LTBP1: variants seen among roughly 807,000 people sequenced by gnomAD.
LTBP1 encodes latent transforming growth factor beta binding protein 1.
Under a neutral mutation model 207.6 loss-of-function variants are expected in LTBP1, and 129 were observed. The observed-to-expected ratio is 0.62, with a 90% confidence interval of 0.54 to 0.72. LTBP1 has a LOEUF of 0.72. LTBP1 is among the 30% of genes least tolerant of loss of function. The pLI is 0.00. For missense variants in LTBP1, 2,281 were observed against 2,217.2 expected, an observed-to-expected ratio of 1.03 and a Z score of -0.58; for synonymous variants, 963 against 833.7, an observed-to-expected ratio of 1.16 and a Z score of -2.67.
intron 3 of LTBP1, among the ~76,000 whole-genome samples, chr2:33,108,080 A>G (rs1345931604): frequency 1.3e-5 from 2 of 152,238 alleles, no homozygotes; most frequent in Non-Finnish European, 2.9e-5. Flanking sequence ...ATTAGAGGAA[A>G]CAGTGGACAC....
chr2:33,214,977 C>T (rs1299684678), intron 7 of LTBP1, among the ~76,000 whole-genome samples: 1 of 151,804 alleles, frequency 6.6e-6, no homozygotes, highest in East Asian at 1.9e-4. Context: ...CTCGTAGGGT[C>T]GTTTCTTATG....
At chr2:33,054,990 T>C (rs556718557) in intron 3 of LTBP1, among the ~76,000 whole-genome samples, 2 of 152,306 alleles carry the variant, frequency 1.3e-5, no homozygotes, top group South Asian at 2.1e-4. Context: ...TAAACCACAC[T>C]GATAACAAGC....
At chr2:33,271,386 G>A (rs1367291414) in intron 15 of LTBP1, among the ~76,000 whole-genome samples, 4 of 151,594 alleles carry the variant, frequency 2.6e-5, no homozygotes, top group African/African-American at 4.8e-5. Context: ...ATAACCACCC[G>A]GGAAAAAACC....
chr2:33,175,023 C>T (rs1415827264), intron 5 of LTBP1, among the ~76,000 whole-genome samples: 3 of 152,192 alleles, frequency 2.0e-5, no homozygotes, highest in African/African-American at 7.2e-5. Flanking sequence ...GAATTAAAGA[C>T]TTAAACGTTA....
intron 9 of LTBP1, among the ~76,000 whole-genome samples, chr2:33,236,450 C>T (rs2092055236): frequency 6.6e-6 from 1 of 152,198 alleles, no homozygotes. Context: ...TTGATCTGGA[C>T]CTGAGCACCC....
intron 2 of LTBP1, among the ~76,000 whole-genome samples, chr2:32,972,895 C>T (rs1681127200): frequency 2.0e-5 from 3 of 152,160 alleles, no homozygotes; most frequent in African/African-American, 7.2e-5. Context: ...ATACGTTACC[C>T]AGTCTCAGGT....
intron 2 of LTBP1, among the ~76,000 whole-genome samples, chr2:33,000,749 A>C (rs1251552810): frequency 7.5e-6 from 1 of 133,004 alleles, no homozygotes; most frequent in African/African-American, 2.6e-5. Context: ...TTTAATAAGT[A>C]CTCTGGGTTT....
chr2:33,394,921 T>C (rs2150733816), intron 32 of LTBP1, among the ~76,000 whole-genome samples: 1 of 152,336 alleles, frequency 6.6e-6, no homozygotes, highest in East Asian at 1.9e-4. Flanking sequence ...CATGTGGTAT[T>C]TGGTATTCTG....
chr2:33,020,811 G>T (rs527715701), intron 2 of LTBP1, 98 bp from the exon 3 acceptor site: 3 of 1,211,874 alleles, frequency 2.5e-6, no homozygotes, highest in East Asian at 2.4e-5. Flanking sequence ...TTTTTTATTG[G>T]AGAACAAACA....
At chr2:33,273,818 C>T (rs371714203) in intron 16 of LTBP1, 37 bp downstream of exon 16, 1 of 1,549,460 alleles carries the variant, frequency 6.5e-7, no homozygotes, top group Non-Finnish European at 8.7e-7. Flanking sequence ...TATTAAATAT[C>T]AAACATTTGA....
intron 3 of LTBP1, among the ~76,000 whole-genome samples, chr2:33,081,569 G>A (rs576634379): frequency 6.6e-6 from 1 of 152,156 alleles, no homozygotes; most frequent in Non-Finnish European, 1.5e-5. Context: ...ATGTTGAAAG[G>A]ACCTGGATTT....
At chr2:32,972,149 T>A (rs372387848) in intron 2 of LTBP1, among the ~76,000 whole-genome samples, 2 of 151,406 alleles carry the variant, frequency 1.3e-5, no homozygotes, top group East Asian at 3.9e-4. Flanking sequence ...AGTGGTAATA[T>A]CTTCTTTATC....
intron 4 of LTBP1, among the ~76,000 whole-genome samples, chr2:33,122,037 C>A (rs1432297163): frequency 6.6e-6 from 1 of 151,672 alleles, no homozygotes; most frequent in Non-Finnish European, 1.5e-5. Context: ...CTGCCCCCCT[C>A]CACACACACA....
intron 2 of LTBP1, among the ~76,000 whole-genome samples, chr2:33,013,565 CT>C (rs1687958174): frequency 6.7e-6 from 1 of 150,316 alleles, no homozygotes; most frequent in African/African-American, 2.4e-5. Context: ...TTAACTTTTT[CT>C]TTTTTTTCAT....
intron 9 of LTBP1, among the ~76,000 whole-genome samples, chr2:33,227,411 C>G (rs116538403): frequency 0.018 from 2,774 of 152,230 alleles, 83 homozygotes; most frequent in African/African-American, 0.062. Flanking sequence ...ATTCCTAGAG[C>G]AATCAGGAAT....
intron 24 of LTBP1, among the ~76,000 whole-genome samples, chr2:33,330,128 T>C (rs1040091762): frequency 2.4e-4 from 37 of 152,260 alleles, no homozygotes; most frequent in African/African-American, 8.7e-4. Context: ...AAGATTTGCA[T>C]GTGGTTGTGA....
At chr2:33,227,124 T>C (rs13021881) in intron 9 of LTBP1, among the ~76,000 whole-genome samples, 74,547 of 151,728 alleles carry the variant, frequency 0.49, 18,510 homozygotes, top group Non-Finnish European at 0.52. Context: ...CAACCTCCGC[T>C]TCCTGGGTTC....
intron 3 of LTBP1, among the ~76,000 whole-genome samples, chr2:33,061,011 G>A (rs1269679751): frequency 1.3e-5 from 2 of 151,968 alleles, no homozygotes; most frequent in Admixed American, 1.3e-4. Context: ...TGTTTTGCCT[G>A]GTACTGAATT....
At chr2:33,290,713 T>C (rs1364874131) in intron 19 of LTBP1, among the ~76,000 whole-genome samples, 1 of 152,146 alleles carries the variant, frequency 6.6e-6, no homozygotes, top group East Asian at 1.9e-4. Flanking sequence ...AGGACTCAGG[T>C]TTCTGACTTG....
Sources: gnomAD v4.1 joint callset for allele counts (sites outside exome capture counted in the v4.1 genomes callset) on GRCh38, gnomAD v4.1.1 for gene constraint, MANE v1.5 for transcripts, NCBI Gene and HGNC (gene_info 2026-07-23, HGNC 2026-07-21) for gene names.